Variants in MCTP1 observed in about 807,000 individuals in gnomAD.
MCTP1 encodes the protein multiple C2 and transmembrane domain-containing protein 1.
Under a neutral mutation model 120.6 loss-of-function variants are expected in MCTP1, and 69 were observed. The observed-to-expected ratio is 0.57, with a 90% CI of 0.47 to 0.70. MCTP1 has a LOEUF of 0.70. Ranked by LOEUF, MCTP1 falls within the 30% of genes least tolerant of loss-of-function variation. The pLI is 0.00. For synonymous variants in MCTP1, 529 were observed against 493.1 expected (o/e 1.07, Z -0.96); for missense variants, 1,203 against 1,248.8 (o/e 0.96, Z 0.55).
chr5:95,060,934 A>T (rs1305702098), intron 1 of MCTP1, among the ~76,000 whole-genome samples: 1 of 78,920 alleles, frequency 1.3e-5, no homozygotes, highest in Non-Finnish European at 2.9e-5. Context: ...AGAGCATGCC[A>T]CTCCACAAAA....
At chr5:94,807,228 C>A (rs1415938604) in intron 17 of MCTP1, among the ~76,000 whole-genome samples, 3 of 152,060 alleles carry the variant, frequency 2.0e-5, no homozygotes, top group Non-Finnish European at 4.4e-5. Context: ...GTGAGAGAGA[C>A]CTCAAATTAG....
At chr5:94,734,670 A>G (rs1043672009) in intron 19 of MCTP1, among the ~76,000 whole-genome samples, 1 of 152,156 alleles carries the variant, frequency 6.6e-6, no homozygotes, top group Non-Finnish European at 1.5e-5. Context: ...TTGTCCAGGT[A>G]GGTCTTAGAC....
intron 1 of MCTP1, among the ~76,000 whole-genome samples, chr5:95,125,139 A>T (rs978773314): frequency 3.9e-5 from 6 of 152,226 alleles, no homozygotes; most frequent in Non-Finnish European, 5.9e-5. Flanking sequence ...AGAAGGGAGT[A>T]ATACCCATCA....
chr5:95,245,938 G>A (rs183996268), intron 1 of MCTP1, among the ~76,000 whole-genome samples: 13 of 152,248 alleles, frequency 8.5e-5, no homozygotes, highest in Admixed American at 2.0e-4. Flanking sequence ...GAGAAAAGTC[G>A]GGTTACCCAC....
intron 1 of MCTP1, among the ~76,000 whole-genome samples, chr5:95,073,387 C>G (rs1752737023): frequency 1.3e-5 from 2 of 152,088 alleles, no homozygotes; most frequent in African/African-American, 4.8e-5. Context: ...TAAGGGTACC[C>G]ATTCATTGCT....
intron 1 of MCTP1, among the ~76,000 whole-genome samples, chr5:95,251,609 T>C (rs757902923): frequency 1.3e-5 from 2 of 152,164 alleles, no homozygotes; most frequent in South Asian, 2.1e-4. Flanking sequence ...CCTATATTAA[T>C]ATTATTTATG....
At chr5:95,039,969 A>C (rs1842054057) in intron 1 of MCTP1, among the ~76,000 whole-genome samples, 2 of 151,564 alleles carry the variant, frequency 1.3e-5, no homozygotes, top group African/African-American at 4.8e-5. Context: ...GTCACTGCTA[A>C]TTTTTTAAAA....
At chr5:94,798,942 C>A (rs1203022970) in intron 18 of MCTP1, 71 bp downstream of exon 18, 2 of 1,508,872 alleles carry the variant, frequency 1.3e-6, no homozygotes, top group Admixed American at 2.3e-5. Flanking sequence ...AAGCCAAATT[C>A]AATGTTGATC....
chr5:94,750,049 G>A (rs1191648528), intron 19 of MCTP1, among the ~76,000 whole-genome samples: 4 of 152,228 alleles, frequency 2.6e-5, no homozygotes, highest in African/African-American at 9.6e-5. Flanking sequence ...TGCTGAATGA[G>A]AAAGAGAGAG....
chr5:95,047,313 G>A (rs765150493), intron 1 of MCTP1, among the ~76,000 whole-genome samples: 4 of 152,152 alleles, frequency 2.6e-5, no homozygotes, highest in African/African-American at 7.2e-5. Context: ...AGTGGACCAC[G>A]GAGCACTGAG....
chr5:94,949,174 T>C (rs1227846192), intron 3 of MCTP1, among the ~76,000 whole-genome samples: 1 of 152,206 alleles, frequency 6.6e-6, no homozygotes, highest in Non-Finnish European at 1.5e-5. Context: ...TATTCCCCTT[T>C]ATGTTACTTT....
chr5:95,209,921 C>T lies in MCTP1; in HGVS notation c.720+73935G>A, dbSNP rs140574163. Among the ~76,000 whole-genome samples the T allele has an allele frequency of 4.0e-3, 614 of 152,276 alleles. 6 individuals are homozygous for T. The highest frequency in any genetic ancestry group is 0.012 in the African/African-American group (519 of 41,554). On this transcript the variant is annotated intron_variant, in intron 1 of 22. Coordinates refer to ENST00000515393, the MANE Select transcript of MCTP1 (RefSeq NM_024717.7). ...AACAACTTTATTTCTGCCTTCATTT[C>T]GTTATGTACCCAGCAGTCATTGAGG...
intron 1 of MCTP1, among the ~76,000 whole-genome samples, chr5:95,172,511 T>G (rs6885525): frequency 0.17 from 25,493 of 152,130 alleles, 2,746 homozygotes; most frequent in African/African-American, 0.31. Flanking sequence ...CCACTGTGCT[T>G]AACCATTAGA....
chr5:95,138,188 T>C (rs1012167895), intron 1 of MCTP1, among the ~76,000 whole-genome samples: 1 of 152,078 alleles, frequency 6.6e-6, no homozygotes, highest in South Asian at 2.1e-4. Context: ...GAACTCACTA[T>C]GATTGTGTAC....
intron 3 of MCTP1, among the ~76,000 whole-genome samples, chr5:94,948,431 G>A (rs1255112585): frequency 6.6e-6 from 1 of 152,000 alleles, no homozygotes; most frequent in African/African-American, 2.4e-5. Flanking sequence ...GTATAGTCAT[G>A]CTTTTTTGTT....
rs1360543435 is a variant in MCTP1, at chr5:94,705,557, C to T, written c.*1939G>A. The T allele has an allele frequency of 6.9e-6, 1 of 145,822 alleles. No individual in the cohort carries two copies. Among genetic ancestry groups the T allele is most frequent in the African/African-American group, 2.5e-5 (1 of 39,856 alleles). 9.0% of individuals were successfully genotyped at this position (145,822 alleles called of 1,614,324 possible). A position where few individuals can be genotyped will look rare whatever the true frequency, so the allele number is the denominator to read the frequency against. On this transcript the variant is annotated 3_prime_UTR_variant, in exon 23 of 23. Transcript: ENST00000515393. ...GATTATACGTGGGAAAGATTATTTTCTTTTGTATTTAATACAGTGAATGTG... is the reference window on the plus strand; with the variant it reads ...GATTATACGTGGGAAAGATTATTTTTTTTTGTATTTAATACAGTGAATGTG...
intron 19 of MCTP1, among the ~76,000 whole-genome samples, chr5:94,732,582 T>G (rs1763335859): frequency 6.6e-6 from 1 of 152,194 alleles, no homozygotes; most frequent in South Asian, 2.1e-4. Context: ...CCCCACCAAA[T>G]TCATATGTTG....
At chr5:95,042,940 T>A (rs1261881509) in intron 1 of MCTP1, among the ~76,000 whole-genome samples, 1 of 152,216 alleles carries the variant, frequency 6.6e-6, no homozygotes, top group Admixed American at 6.5e-5. Flanking sequence ...TTATAAACAA[T>A]GTGGCAAGGA....
intron 1 of MCTP1, among the ~76,000 whole-genome samples, chr5:95,031,922 A>G (rs1050240541): frequency 3.3e-5 from 5 of 152,186 alleles, no homozygotes; most frequent in Non-Finnish European, 7.4e-5. Flanking sequence ...ATGGAAAACA[A>G]TAAAGAACTG....
Sources: allele counts gnomAD v4.1 joint callset (sites outside exome capture counted in the v4.1 genomes callset), GRCh38; gene constraint gnomAD v4.1.1; transcripts MANE v1.5; gene names NCBI Gene and HGNC (gene_info 2026-07-23, HGNC 2026-07-21).